The following SHROOM4 variants were observed in gnomAD, a reference collection of about 807,000 sequenced individuals.
SHROOM4 encodes shroom family member 4, also known as protein Shroom4.
Under a neutral mutation model 80.3 loss-of-function variants are expected in SHROOM4, and 17 were observed. That is an observed-to-expected ratio of 0.21 (90% confidence interval 0.14 to 0.32). The LOEUF is 0.32. SHROOM4 is among the 10% of genes least tolerant of loss of function. The probability of loss-of-function intolerance (pLI) is 1.00; values close to 1 mark genes in which losing one functional copy is unlikely to be tolerated. For synonymous variants in SHROOM4, 400 were observed against 437.5 expected (o/e 0.91, Z 1.07); for missense variants, 993 against 1,140.3 (o/e 0.87, Z 1.86).
chrX:50,651,600 T>A (rs1191488119), intron 2 of SHROOM4, among the ~76,000 whole-genome samples: 5 of 111,934 alleles, frequency 4.5e-5, no homozygotes, highest in African/African-American at 1.6e-4. Context: ...TTTGTTTTTA[T>A]ACTTTACTTT....
intron 1 of SHROOM4, among the ~76,000 whole-genome samples, chrX:50,783,642 C>T (rs965111100): frequency 9.1e-6 from 1 of 109,872 alleles, no homozygotes. Flanking sequence ...GTGGCGTGAT[C>T]TCAGCTCACT....
At chrX:50,626,562 G>A (rs1221973321) in intron 5 of SHROOM4, among the ~76,000 whole-genome samples, 1 of 111,605 alleles carries the variant, frequency 9.0e-6, no homozygotes, top group Non-Finnish European at 1.9e-5. Context: ...GTTTGAGCCT[G>A]TTCGAATTGC....
At chrX:50,693,431 G>A (rs782212749) in intron 2 of SHROOM4, among the ~76,000 whole-genome samples, 1 of 109,428 alleles carries the variant, frequency 9.1e-6, no homozygotes, top group East Asian at 2.9e-4. Flanking sequence ...GCCAGGCATG[G>A]TGGTACATGC....
intron 2 of SHROOM4, among the ~76,000 whole-genome samples, chrX:50,654,576 A>C (rs992900400): frequency 4.5e-5 from 5 of 110,639 alleles, no homozygotes; most frequent in African/African-American, 1.6e-4. Flanking sequence ...CTCTCTTAGC[A>C]ATTTAAGTAT....
chrX:50,763,142 TTC>T (rs1391494561), intron 1 of SHROOM4, among the ~76,000 whole-genome samples: 4 of 111,485 alleles, frequency 3.6e-5, no homozygotes, highest in African/African-American at 1.3e-4. Flanking sequence ...TTCAAATTCA[TTC>T]TTTCTTCTTC....
chrX:50,713,297 G>GA (rs1557264548), intron 1 of SHROOM4, among the ~76,000 whole-genome samples: 1 of 111,236 alleles, frequency 9.0e-6, no homozygotes, highest in African/African-American at 3.3e-5. Flanking sequence ...ACAAGAGAGT[G>GA]ATGTCAAGCA....
At chrX:50,812,922 A>C (rs1936370424) in intron 1 of SHROOM4, among the ~76,000 whole-genome samples, 1 of 111,765 alleles carries the variant, frequency 8.9e-6, no homozygotes, top group South Asian at 3.8e-4. Context: ...AAAGTTCGTA[A>C]AGTCCGTTCA....
intron 1 of SHROOM4, among the ~76,000 whole-genome samples, chrX:50,731,291 C>G (rs1000338528): frequency 1.8e-5 from 2 of 110,928 alleles, no homozygotes; most frequent in Non-Finnish European, 3.8e-5. Flanking sequence ...CCCTCTTTCC[C>G]TCTCTCCTTC....
intron 1 of SHROOM4, among the ~76,000 whole-genome samples, chrX:50,714,659 T>C (rs1557264667): frequency 1.8e-5 from 2 of 112,400 alleles, no homozygotes; most frequent in Non-Finnish European, 3.7e-5. Flanking sequence ...TTCAACACTT[T>C]TAAATTATAA....
In SHROOM4 at chrX:50,634,295, C is replaced by T. The variant is rs782490910; in HGVS notation, c.1778G>A (p.Arg593His). 15 of 1,209,099 alleles carry T rather than the reference C, an allele frequency of 1.2e-5. No individual in the cohort carries two copies. Among genetic ancestry groups the T allele is most frequent in the Non-Finnish European group, 1.3e-5 (12 of 895,065 alleles). The change falls in exon 4 of 9, where the codon CGT (arginine) becomes CAT (histidine). Residue 593 changes from arginine to histidine, a missense_variant. Coordinates refer to ENST00000376020, the MANE Select transcript of SHROOM4 (RefSeq NM_020717.5). ...GGCCTTCCTCCTCTGAATTTCATTA[C>T]GCAGATTGGTAGCAAAACGCTCACT... ...RKSERFATNL[R>H]NEIQRRKAQL...
At chrX:50,662,958 G>A (rs1301391580) in intron 2 of SHROOM4, among the ~76,000 whole-genome samples, 1 of 111,414 alleles carries the variant, frequency 9.0e-6, no homozygotes, top group East Asian at 2.8e-4. Context: ...TGTCTAAGAT[G>A]TTTGGCTGTG....
chrX:50,701,929 TA>T (rs34014957), intron 1 of SHROOM4, among the ~76,000 whole-genome samples: 1 of 110,881 alleles, frequency 9.0e-6, no homozygotes, highest in African/African-American at 3.3e-5. Flanking sequence ...TCTTCAGCTC[TA>T]AAAAAGGGAA....
chrX:50,602,976 C>A (rs781890869), intron 6 of SHROOM4, among the ~76,000 whole-genome samples, 163 bp from the exon 7 acceptor site: 1 of 112,045 alleles, frequency 8.9e-6, no homozygotes, highest in African/African-American at 3.2e-5. Flanking sequence ...TGAAGGCAAA[C>A]TGGAGTTAAG....
At chrX:50,781,618 C>T (rs73483784) in intron 1 of SHROOM4, among the ~76,000 whole-genome samples, 6,151 of 110,137 alleles carry the variant, frequency 0.056, 440 homozygotes, top group African/African-American at 0.19. Flanking sequence ...CTATCAGCTC[C>T]GAACAAGGAA....
chrX:50,723,685 C>T (rs1188221992), intron 1 of SHROOM4, among the ~76,000 whole-genome samples: 2 of 111,098 alleles, frequency 1.8e-5, no homozygotes, highest in Non-Finnish European at 3.8e-5. Flanking sequence ...CCCATGGTAA[C>T]TCTTACAGTG....
At chrX:50,657,324 TG>T (rs1932346001) in intron 2 of SHROOM4, among the ~76,000 whole-genome samples, 1 of 111,707 alleles carries the variant, frequency 9.0e-6, no homozygotes, top group Non-Finnish European at 1.9e-5. Context: ...GCCCTTGTCT[TG>T]TTCCCTATTT....
chrX:50,716,805 C>T (rs190778082), intron 1 of SHROOM4, among the ~76,000 whole-genome samples: 22 of 112,389 alleles, frequency 2.0e-4, no homozygotes, highest in African/African-American at 6.8e-4. Context: ...TGTTAGGTTC[C>T]TCTCACTTCA....
At chrX:50,711,714 T>G (rs1181635358) in intron 1 of SHROOM4, among the ~76,000 whole-genome samples, 1 of 112,271 alleles carries the variant, frequency 8.9e-6, no homozygotes, top group African/African-American at 3.2e-5. Flanking sequence ...AATAGATTAG[T>G]AGAATCTAGG....
At chrX:50,778,097 CCA>C (rs782635797) in intron 1 of SHROOM4, among the ~76,000 whole-genome samples, 64 of 111,735 alleles carry the variant, frequency 5.7e-4, no homozygotes, top group African/African-American at 1.9e-3. Flanking sequence ...TGGACATACC[CCA>C]GTCTTCTGGT....
Sources: gnomAD v4.1 joint callset for allele counts (sites outside exome capture counted in the v4.1 genomes callset) on GRCh38, gnomAD v4.1.1 for gene constraint, MANE v1.5 for transcripts, NCBI Gene and HGNC (gene_info 2026-07-23, HGNC 2026-07-21) for gene names.